HSPH1: variants seen among roughly 807,000 people sequenced by gnomAD.
HSPH1 encodes heat shock protein family H (Hsp110) member 1.
A neutral mutation model predicts 100.0 loss-of-function variants in HSPH1; 40 were observed. The ratio of observed to expected loss-of-function variants is 0.40; its 90% CI spans 0.31 to 0.52. The LOEUF (loss-of-function observed/expected upper bound fraction) is 0.52, where lower values mean the gene tolerates loss of function less well. Among genes scored for constraint, HSPH1 ranks in the 20% least tolerant of loss-of-function variants. The pLI is 0.54. For missense variants in HSPH1, 876 were observed against 1,015.1 expected, an observed-to-expected ratio of 0.86 and a Z score of 1.86; for synonymous variants, 403 against 344.0, an observed-to-expected ratio of 1.17 and a Z score of -1.90.
intron 12 of HSPH1, among the ~76,000 whole-genome samples, chr13:31,141,956 A>C (rs1253506858): frequency 6.6e-6 from 1 of 152,058 alleles, no homozygotes; most frequent in Non-Finnish European, 1.5e-5. Flanking sequence ...AGGTTTTTCA[A>C]AATATGTAAA....
chr13:31,154,238 C>A, intron 4 of HSPH1: 1 of 209,426 alleles, frequency 4.8e-6, no homozygotes, highest in Non-Finnish European at 9.7e-6. Context: ...TAGGTTTTGT[C>A]ACTACTGGTA....
At chr13:31,149,560 C>G (rs1412992575) in intron 8 of HSPH1, among the ~76,000 whole-genome samples, 1 of 152,034 alleles carries the variant, frequency 6.6e-6, no homozygotes, top group African/African-American at 2.4e-5. Flanking sequence ...TTTCTAAAAC[C>G]ATTTGTTAAT....
chr13:31,142,162 A>C (rs1425964783), intron 12 of HSPH1, among the ~76,000 whole-genome samples: 1 of 152,134 alleles, frequency 6.6e-6, no homozygotes, highest in African/African-American at 2.4e-5. Flanking sequence ...AAACGGGAAG[A>C]GACTGGCCCA....
intron 6 of HSPH1, 56 bp from the exon 7 acceptor site, chr13:31,151,247 G>C (rs530103980): frequency 6.5e-6 from 9 of 1,389,508 alleles, no homozygotes; most frequent in South Asian, 1.4e-5. Context: ...TTTGTAACTA[G>C]AATCTTAAAT....
intron 11 of HSPH1, 31 bp downstream of exon 11, chr13:31,145,532 T>C (rs373524821): frequency 4.5e-6 from 7 of 1,569,760 alleles, no homozygotes; most frequent in Non-Finnish European, 6.1e-6. Context: ...GTCAACTCTA[T>C]TCAAACACAA....
At chr13:31,147,387 C>G (rs980489700) in intron 10 of HSPH1, among the ~76,000 whole-genome samples, 2 of 152,124 alleles carry the variant, frequency 1.3e-5, no homozygotes, top group Admixed American at 1.3e-4. Context: ...AGGGTACGTC[C>G]TGAAAAGACC....
At chr13:31,156,530 C>A (rs975035770) in intron 2 of HSPH1, among the ~76,000 whole-genome samples, 1 of 150,782 alleles carries the variant, frequency 6.6e-6, no homozygotes, top group Non-Finnish European at 1.5e-5. Flanking sequence ...TGCCATTGCA[C>A]TCTAGCTTGG....
At chr13:31,140,095 T>C in intron 14 of HSPH1, 89 bp downstream of exon 14, 4 of 1,254,060 alleles carry the variant, frequency 3.2e-6, no homozygotes, top group Non-Finnish European at 4.3e-6. Flanking sequence ...GTTACATAAT[T>C]GAGTAAAAGC....
Position 31,138,549 on chromosome 13 carries a change from A to G in HSPH1, c.2228T>C (p.Ile743Thr). ...CACTTTTTTCATTTCAGACTCATCA[A>G]TATGGTTGTATTTCTCATCCTGAAC... ...FRNKDEKYNH[I>T]DESEMKKVEK... is the part of the protein sequence containing the mutation. Residue 743 changes from isoleucine to threonine, a missense_variant, in exon 17 of 18, where the codon ATT (isoleucine) becomes ACT (threonine). Physicochemically the swap from Ile to Thr is moderately conservative, Grantham distance 89. Coordinates refer to ENST00000320027, the MANE Select transcript of HSPH1 (RefSeq NM_006644.4). 2 of 1,610,276 alleles carry G rather than the reference A, an allele frequency of 1.2e-6. No homozygotes were observed. Among genetic ancestry groups the G allele is most frequent in the Non-Finnish European group, 1.7e-6 (2 of 1,178,534 alleles).
upstream of HSPH1, chr13:31,162,073 G>A (rs776817561): frequency 2.8e-5 from 43 of 1,536,006 alleles, 1 homozygote; most frequent in South Asian, 5.0e-4. Context: ...GCCGGTCCCC[G>A]GAGAACGGCC....
intron 6 of HSPH1, 166 bp from the exon 7 acceptor site, chr13:31,151,357 G>A (rs954470150): frequency 2.7e-6 from 2 of 740,048 alleles, no homozygotes; most frequent in Non-Finnish European, 4.2e-6. Flanking sequence ...AGATATTTTT[G>A]ACTTTTAAAT....
intron 1 of HSPH1, among the ~76,000 whole-genome samples, chr13:31,160,295 G>A (rs1476542252): frequency 6.6e-6 from 1 of 152,086 alleles, no homozygotes; most frequent in Non-Finnish European, 1.5e-5. Flanking sequence ...TAGATCTGCA[G>A]GGGTAGACGT....
rs1294945616 is a variant in HSPH1 at position 31,136,532 on chromosome 13, T to TA, written c.*785dup. On this transcript the variant is annotated 3_prime_UTR_variant, in exon 18 of 18. Transcript: ENST00000320027. ...CTTAGAAAAGAGAGAACATAAGCAG[T>TA]AAAAAAGAAAAACTGGACACTAACT... 4 of 152,440 alleles carry TA rather than the reference T, an allele frequency of 2.6e-5. No individual in the cohort carries two copies. Among genetic ancestry groups the TA allele is most frequent in the African/African-American group, 9.7e-5 (4 of 41,434 alleles). The allele number at this position is 152,440 out of a possible 1,614,324, so 9.4% of individuals were successfully genotyped here.
intron 16 of HSPH1, 96 bp from the exon 17 acceptor site, chr13:31,138,664 C>T: frequency 6.6e-7 from 1 of 1,515,964 alleles, no homozygotes; most frequent in South Asian, 1.3e-5. Context: ...AAATCTACCT[C>T]TAACCTCAAA....
rs755141032 is a variant in HSPH1, at chr13:31,139,113, C to T, written c.1981-6G>A. ...CTCAAAAAATTTTGATGATCCTTAA[C>T]ACAAAATATGACAATATTAGTGGCA... On this transcript the variant is annotated splice_region_variant and splice_polypyrimidine_tract_variant and intron_variant, in intron 14 of 17. Coordinates refer to ENST00000320027, the MANE Select transcript of HSPH1 (RefSeq NM_006644.4). 1.3e-6 allele frequency: 2 copies of T among 1,547,190 alleles called. No individual in the cohort carries two copies. The highest frequency in any genetic ancestry group is 3.3e-5 in the Admixed American group (2 of 59,758).
At chr13:31,149,657 C>T (rs1956408789) in intron 8 of HSPH1, among the ~76,000 whole-genome samples, 11 of 152,144 alleles carry the variant, frequency 7.2e-5, no homozygotes, top group Admixed American at 7.2e-4. Context: ...TTTTAAGTAA[C>T]AACTGCCACT....
rs973113048 is a variant in HSPH1 at position 31,161,870 on chromosome 13, C to T, written c.-288G>A. The T allele has an allele frequency of 1.5e-5, 22 of 1,485,328 alleles. No homozygotes were observed. In the Middle Eastern group the frequency reaches 8.4e-4, roughly 57 times the overall value. The allele number at this position is 1,485,328 out of a possible 1,614,324, so 92.0% of individuals were successfully genotyped here. A position where few individuals can be genotyped will look rare whatever the true frequency, so the allele number is the denominator to read the frequency against. ...GGTTGCCTGCCTCACTCTGCCGCGG[C>T]TCGCACACCGGCGCCGGCGCTGAAC... On this transcript the variant is annotated 5_prime_UTR_variant, in exon 1 of 18. Transcript: ENST00000320027.
At chr13:31,141,688 C>T (rs1157433906) in intron 12 of HSPH1, among the ~76,000 whole-genome samples, 2 of 151,940 alleles carry the variant, frequency 1.3e-5, no homozygotes, top group African/African-American at 4.8e-5. Flanking sequence ...ATATTAAAGG[C>T]CCTATATGCC....
chr13:31,148,572 CAA>C (rs33938762), intron 8 of HSPH1, 92 bp from the exon 9 acceptor site: 49,792 of 136,328 alleles, frequency 0.37, 7,276 homozygotes, highest in Middle Eastern at 0.46. Context: ...ACAGGGTTTT[CAA>C]AAAAAAAAAA....
Sources: gnomAD v4.1 joint callset for allele counts (sites outside exome capture counted in the v4.1 genomes callset) on GRCh38, gnomAD v4.1.1 for gene constraint, MANE v1.5 for transcripts, NCBI Gene and HGNC (gene_info 2026-07-23, HGNC 2026-07-21) for gene names.